HTR1D: variants seen among roughly 807,000 people sequenced by gnomAD.
HTR1D encodes the protein 5-hydroxytryptamine receptor 1D.
A neutral mutation model predicts 21.1 loss-of-function variants in HTR1D; 18 were observed. The observed-to-expected ratio is 0.85, with a 90% CI of 0.59 to 1.27. The LOEUF is 1.27. Among genes scored for constraint, HTR1D ranks in the 50% most tolerant of loss-of-function variants. The probability of loss-of-function intolerance (pLI) is 0.00; values close to 1 mark genes in which losing one functional copy is unlikely to be tolerated. For synonymous variants in HTR1D, 196 were observed against 204.4 expected (o/e 0.96, Z 0.35); for missense variants, 456 against 481.4 (o/e 0.95, Z 0.49).
chr1:23,194,125 C>T lies in HTR1D; in HGVS notation c.95G>A (p.Arg32Lys). 2 of 1,614,098 alleles carry T rather than the reference C, an allele frequency of 1.2e-6. No individual in the cohort carries two copies. The highest frequency in any genetic ancestry group is 1.7e-6 in the Non-Finnish European group (2 of 1,180,016). The change falls in exon 2 of 2, where the codon AGG (arginine) becomes AAG (lysine). Residue 32 changes from arginine (R) to lysine (K), a missense_variant. Coordinates refer to ENST00000374619, the MANE Select transcript of HTR1D (RefSeq NM_000864.5). Reference protein sequence around the residue: ...ATETSEAWDPRTLQALKISLA... With the variant: ...ATETSEAWDPKTLQALKISLA... ...GGAGATCTTGAGCGCCTGGAGGGTC[C>T]TGGGATCCCAAGCCTCTGAGGTTTC... is the stretch of plus-strand genomic sequence containing the variant.
rs1644779879 is a variant in HTR1D at position 23,217,345 on chromosome 1, TCGCGCGGCGTCTCCCCGTCGCGGC to T, written c.-861_-838del. Among the ~76,000 whole-genome samples, 1 of 151,044 alleles carries T rather than the reference TCGCGCGGCGTCTCCCCGTCGCGGC, an allele frequency of 6.6e-6. No individual in the cohort carries two copies. Among genetic ancestry groups the T allele is most frequent in the African/African-American group, 2.4e-5 (1 of 40,966 alleles). On this transcript the variant is annotated 5_prime_UTR_variant, in exon 1 of 2. Coordinates refer to ENST00000374619, the MANE Select transcript of HTR1D (RefSeq NM_000864.5). This position sits in a 1 kb window ranked among gnomAD's most constrained non-coding sequence, Gnocchi z 4.6. ...CGGCGTACCCGCCCGATCCACTTCC[TCGCGCGGCGTCTCCCCGTCGCGGC>T]CGCCTTGTCTCCGCCGCGACCCCCG...
intron 1 of HTR1D, among the ~76,000 whole-genome samples, chr1:23,206,307 G>A (rs750544721): frequency 2.0e-5 from 3 of 152,040 alleles, no homozygotes; most frequent in Non-Finnish European, 2.9e-5. Context: ...TGGGATTACG[G>A]GCGTGAGCCA....
At chr1:23,204,488 A>G (rs1029385525) in intron 1 of HTR1D, among the ~76,000 whole-genome samples, 2 of 152,196 alleles carry the variant, frequency 1.3e-5, no homozygotes, top group Non-Finnish European at 2.9e-5. Flanking sequence ...TGACTGTCAC[A>G]TGAGTGACAG....
chr1:23,202,646 C>T (rs1440013001), intron 1 of HTR1D, among the ~76,000 whole-genome samples: 3 of 152,200 alleles, frequency 2.0e-5, no homozygotes, highest in African/African-American at 7.2e-5. Flanking sequence ...ATACATCCCC[C>T]ACACAGTAAT....
At chr1:23,200,429 A>G (rs947898034) in intron 1 of HTR1D, among the ~76,000 whole-genome samples, 1 of 152,232 alleles carries the variant, frequency 6.6e-6, no homozygotes, top group African/African-American at 2.4e-5. Flanking sequence ...CTGAGCCTGC[A>G]CAGCCTCAGT....
Position 23,192,565 on chromosome 1 carries a change from G to T in HTR1D, c.*521C>A. The T allele has an allele frequency of 6.5e-6, 1 of 152,926 alleles. No homozygotes were observed. The highest frequency in any genetic ancestry group is 1.5e-5 in the Non-Finnish European group (1 of 68,274). The allele number at this position is 152,926 out of a possible 1,614,324, so 9.5% of individuals were successfully genotyped here. On this transcript the variant is annotated 3_prime_UTR_variant, in exon 2 of 2. Coordinates refer to ENST00000374619, the MANE Select transcript of HTR1D (RefSeq NM_000864.5). ...AACTGTGAAAACATTATGTTGGCCA[G>T]GCACAGTGGCTCATGCCTGTAATCC... is the stretch of plus-strand genomic sequence containing the variant.
At chr1:23,210,966 G>C (rs1644751106) in intron 1 of HTR1D, among the ~76,000 whole-genome samples, 1 of 152,072 alleles carries the variant, frequency 6.6e-6, no homozygotes, top group Non-Finnish European at 1.5e-5. Flanking sequence ...GGATAAACAA[G>C]GTACTAACAA....
chr1:23,203,271 C>T (rs1644716895), intron 1 of HTR1D, among the ~76,000 whole-genome samples: 1 of 152,202 alleles, frequency 6.6e-6, no homozygotes, highest in African/African-American at 2.4e-5. Flanking sequence ...CATGCTCTCT[C>T]TTTCTACCTG....
At chr1:23,213,910 T>C (rs1644763636) in intron 1 of HTR1D, among the ~76,000 whole-genome samples, 1 of 152,148 alleles carries the variant, frequency 6.6e-6, no homozygotes, top group Non-Finnish European at 1.5e-5. Context: ...CCAGGAAGTC[T>C]TCCCTGGACA....
Position 23,193,211 on chromosome 1 carries a change from G to T in HTR1D, c.1009C>A (p.Leu337Ile). Reference sequence around the variant, plus strand: ...CCTAGCCAGGTGAAGAAGTCAAAGAGCGCCGGGTGGATCCAGCAGGAGTCC... The same window carrying T: ...CCTAGCCAGGTGAAGAAGTCAAAGATCGCCGGGTGGATCCAGCAGGAGTCC... ...CRDSCWIHPA[L>I]FDFFTWLGYL... Residue 337 changes from leucine (L) to isoleucine (I), a missense_variant, in exon 2 of 2, where the codon CTC becomes ATC. Physicochemically the swap from Leu to Ile is conservative, Grantham distance 5. Coordinates refer to ENST00000374619, the MANE Select transcript of HTR1D (RefSeq NM_000864.5). 1 of 1,614,124 alleles carries T rather than the reference G, an allele frequency of 6.2e-7. No homozygotes were observed. Among genetic ancestry groups the T allele is most frequent in the Non-Finnish European group, 8.5e-7 (1 of 1,180,032 alleles).
At chr1:23,206,366 A>G (rs992687836) in intron 1 of HTR1D, among the ~76,000 whole-genome samples, 4 of 151,712 alleles carry the variant, frequency 2.6e-5, no homozygotes, top group Non-Finnish European at 4.4e-5. Context: ...TGACCAGGTC[A>G]CTCCCTTAAA....
Position 23,193,212 on chromosome 1 carries a change from C to T in HTR1D, c.1008G>A (p.Ala336=), listed in dbSNP as rs146151148. Residue 336 remains alanine, a synonymous_variant, in exon 2 of 2, where the codon GCG becomes GCA. Transcript: ENST00000374619. ...CTAGCCAGGTGAAGAAGTCAAAGAG[C>T]GCCGGGTGGATCCAGCAGGAGTCCC... The part of the protein sequence containing the change: ...ICRDSCWIHP[A]LFDFFTWLGY... 226 of 1,614,010 alleles carry T rather than the reference C, an allele frequency of 1.4e-4. 2 individuals are homozygous for T. The South Asian group carries it at 2.1e-3, about 15-fold the overall frequency.
At chr1:23,198,471 A>G (rs565628242) in intron 1 of HTR1D, among the ~76,000 whole-genome samples, 2 of 152,322 alleles carry the variant, frequency 1.3e-5, no homozygotes, top group East Asian at 3.9e-4. Flanking sequence ...TCATAAAACT[A>G]AAGATGTGAT....
In HTR1D at chr1:23,194,228, GCT is replaced by G. The variant is rs1406912048; in HGVS notation, c.-11_-10del. 8 of 1,606,392 alleles carry G rather than the reference GCT, an allele frequency of 5.0e-6. No homozygotes were observed. Among genetic ancestry groups the G allele is most frequent in the Non-Finnish European group, 6.8e-6 (8 of 1,176,502 alleles). ...TGGTTCAGTGGGGACATGCTAGGTG[GCT>G]CTCTCTTCCCACAGACCTCCACACA... On this transcript the variant is annotated 5_prime_UTR_variant, in exon 2 of 2. It removes the in-frame stop codon of an upstream open reading frame in the 5' UTR. Coordinates refer to ENST00000374619, the MANE Select transcript of HTR1D (RefSeq NM_000864.5).
intron 1 of HTR1D, among the ~76,000 whole-genome samples, chr1:23,208,507 G>A (rs1054213012): frequency 1.3e-5 from 2 of 151,812 alleles, no homozygotes; most frequent in South Asian, 2.1e-4. Flanking sequence ...GGAGGCGGAG[G>A]TTGCAGTGAG....
At position 23,194,187 on chromosome 1, in the gene HTR1D, A is replaced by G; in HGVS notation, c.33T>C (p.Leu11=). Residue 11 remains leucine (L), a synonymous_variant, in exon 2 of 2, where the codon CTT becomes CTC. Coordinates refer to ENST00000374619, the MANE Select transcript of HTR1D (RefSeq NM_000864.5). ...GGGATCTGTTGGAGGCCTCCTGGGG[A>G]AGGCCTTCTGCTGACTGGTTCAGTG... The part of the protein sequence containing the change: MSPLNQSAEG[L]PQEASNRSLN... 5 of 1,613,840 alleles carry G rather than the reference A, an allele frequency of 3.1e-6. No homozygotes were observed. Among genetic ancestry groups the G allele is most frequent in the Non-Finnish European group, 4.2e-6 (5 of 1,179,894 alleles).
chr1:23,192,590 C>T lies in HTR1D; in HGVS notation c.*496G>A, dbSNP rs1569749300. Reference sequence around the variant, plus strand: ...GGCACAGTGGCTCATGCCTGTAATCCCAGCACTTTGGGATGCTGAGGCGGG... The same window carrying T: ...GGCACAGTGGCTCATGCCTGTAATCTCAGCACTTTGGGATGCTGAGGCGGG... On this transcript the variant is annotated 3_prime_UTR_variant, in exon 2 of 2. Coordinates refer to ENST00000374619, the MANE Select transcript of HTR1D (RefSeq NM_000864.5). 6.6e-6 allele frequency: 1 copy of T among 152,670 alleles called. No individual in the cohort carries two copies. Among genetic ancestry groups the T allele is most frequent in the Non-Finnish European group, 1.5e-5 (1 of 68,262 alleles). The allele number at this position is 152,670 out of a possible 1,614,324, so 9.5% of individuals were successfully genotyped here. A position where few individuals can be genotyped will look rare whatever the true frequency, so the allele number is the denominator to read the frequency against.
chr1:23,216,677 TA>T (rs970869090), intron 1 of HTR1D, among the ~76,000 whole-genome samples: 3 of 152,330 alleles, frequency 2.0e-5, no homozygotes, highest in Admixed American at 2.0e-4. Context: ...TTACAGTTTC[TA>T]AAAAAAGCAT....
chr1:23,198,119 C>A (rs992447732), intron 1 of HTR1D, among the ~76,000 whole-genome samples: 3 of 151,196 alleles, frequency 2.0e-5, no homozygotes, highest in Non-Finnish European at 4.4e-5. Flanking sequence ...CGCCTGTAAT[C>A]CCAGCACTTT....
Sources: gnomAD v4.1 joint callset for allele counts (sites outside exome capture counted in the v4.1 genomes callset) on GRCh38, gnomAD v4.1.1 for gene constraint, Gnocchi (gnomAD v3.1) non-coding constraint, MANE v1.5 for transcripts, NCBI Gene and HGNC (gene_info 2026-07-23, HGNC 2026-07-21) for gene names.